GSAP: variants seen among roughly 807,000 people sequenced by gnomAD.
GSAP encodes gamma-secretase activating protein.
In GSAP, 118 loss-of-function variants were observed where a neutral mutation model predicts 131.7. The observed-to-expected ratio is 0.90, with a 90% CI of 0.77 to 1.04. The LOEUF (loss-of-function observed/expected upper bound fraction) is 1.04, where lower values mean the gene tolerates loss of function less well. Among genes scored for constraint, GSAP ranks in the 50% least tolerant of loss-of-function variants. The pLI is 0.00. For synonymous variants in GSAP, 381 were observed against 363.4 expected, an observed-to-expected ratio of 1.05 and a Z score of -0.55; for missense variants, 1,019 against 1,013.2, an observed-to-expected ratio of 1.01 and a Z score of -0.08.
chr7:77,335,960 A>T (rs1789917563), intron 19 of GSAP, among the ~76,000 whole-genome samples: 1 of 152,226 alleles, frequency 6.6e-6, no homozygotes. Context: ...GTGTGTACAT[A>T]AAGCTAGGAA....
At chr7:77,409,586 G>A (rs371346522) in intron 1 of GSAP, among the ~76,000 whole-genome samples, 3 of 152,266 alleles carry the variant, frequency 2.0e-5, no homozygotes, top group African/African-American at 7.2e-5. Flanking sequence ...AGATATTGTA[G>A]ACATCTAAAG....
Position 77,320,748 on chromosome 7 carries a change from C to T in GSAP, c.2066G>A (p.Ser689Asn), listed in dbSNP as rs1554373896. ...IMTRILEATNSLFLPLPPGFH... is the reference protein window; with the variant it reads ...IMTRILEATNNLFLPLPPGFH... ...ACCAGGAGGCAGAGGTAAAAACAAA[C>T]TGTTTGTAGCTTCCAGAATCCTGGT... Residue 689 changes from serine (S) to asparagine (N), a missense_variant, in exon 26 of 31, where the codon AGT (serine) becomes AAT (asparagine). Transcript: ENST00000257626. 1.2e-6 allele frequency: 2 copies of T among 1,607,714 alleles called. No individual in the cohort carries two copies. Among genetic ancestry groups the T allele is most frequent in the Non-Finnish European group, 8.5e-7 (1 of 1,174,224 alleles).
intron 12 of GSAP, among the ~76,000 whole-genome samples, chr7:77,365,173 C>T (rs1430180992): frequency 2.6e-5 from 2 of 76,492 alleles, no homozygotes; most frequent in Non-Finnish European, 5.1e-5. Flanking sequence ...GTCTTGAACT[C>T]CCTGGGCTCA....
intron 5 of GSAP, among the ~76,000 whole-genome samples, chr7:77,390,946 TAAAAAAAAAAAAAAAAAAAA>T (rs71085453): frequency 5.3e-4 from 20 of 37,944 alleles, no homozygotes; most frequent in African/African-American, 5.8e-4. Flanking sequence ...AGACTCCGTC[TAAAAAAAAAAAAAAAAAAAA>T]AAAAAAAAAA....
chr7:77,325,157 T>C (rs964810159), intron 23 of GSAP, among the ~76,000 whole-genome samples: 1 of 152,186 alleles, frequency 6.6e-6, no homozygotes, highest in Non-Finnish European at 1.5e-5. Flanking sequence ...ATATTTAATT[T>C]TATAAAAGTA....
chr7:77,416,022 C>T (rs953942684), intron 1 of GSAP, among the ~76,000 whole-genome samples, 191 bp downstream of exon 1: 3 of 152,250 alleles, frequency 2.0e-5, no homozygotes, highest in Non-Finnish European at 4.4e-5. Flanking sequence ...GGCTCTGCCC[C>T]CAGACCTTCC....
chr7:77,328,406 A>T, intron 22 of GSAP, 200 bp downstream of exon 22: 1 of 1,290,400 alleles, frequency 7.7e-7, no homozygotes, highest in Non-Finnish European at 9.8e-7. Flanking sequence ...CACATTCAGC[A>T]GCTGTCCCCG....
intron 8 of GSAP, among the ~76,000 whole-genome samples, chr7:77,377,698 A>G (rs1235398740): frequency 1.3e-5 from 2 of 152,228 alleles, no homozygotes; most frequent in African/African-American, 4.8e-5. Flanking sequence ...CTGCATTAAT[A>G]GAAGATTCGG....
At chr7:77,355,183 C>T in intron 16 of GSAP, 30 bp downstream of exon 16, 1 of 1,385,604 alleles carries the variant, frequency 7.2e-7, no homozygotes, top group South Asian at 1.2e-5. Flanking sequence ...CGTCTATCTG[C>T]CCATTTTAAA....
In GSAP at chr7:77,361,056, C is replaced by A. The variant is rs759750419; in HGVS notation, c.950-155G>T. Among the ~76,000 whole-genome samples the A allele has an allele frequency of 4.6e-5, 7 of 152,198 alleles. 1 individual carries two copies. Among genetic ancestry groups the A allele is most frequent in the Non-Finnish European group, 8.8e-5 (6 of 68,032 alleles). On this transcript the variant is annotated intron_variant, in intron 13 of 30. Transcript: ENST00000257626. ...AGATTTCATGGTTCCCCTCATTCTCCAAAAACCAGCATTGAAGGCAGATTA... is the reference window on the plus strand; with the variant it reads ...AGATTTCATGGTTCCCCTCATTCTCAAAAAACCAGCATTGAAGGCAGATTA...
At chr7:77,375,775 C>G (rs1168064980) in intron 10 of GSAP, among the ~76,000 whole-genome samples, 1 of 150,764 alleles carries the variant, frequency 6.6e-6, no homozygotes. Flanking sequence ...ATCCAGGAGG[C>G]AGAGGTTGCA....
chr7:77,363,479 G>A (rs965651342), intron 12 of GSAP, among the ~76,000 whole-genome samples: 3 of 152,222 alleles, frequency 2.0e-5, no homozygotes, highest in Non-Finnish European at 4.4e-5. Flanking sequence ...CAGGAAACCT[G>A]AGTTCTAGCC....
chr7:77,343,420 C>A (rs527445330), intron 19 of GSAP, among the ~76,000 whole-genome samples: 13 of 152,308 alleles, frequency 8.5e-5, no homozygotes, highest in Non-Finnish European at 1.8e-4. Flanking sequence ...ATATCCTGCA[C>A]CTCCATGCTG....
At chr7:77,385,502 C>T (rs1461788199) in intron 6 of GSAP, among the ~76,000 whole-genome samples, 1 of 152,148 alleles carries the variant, frequency 6.6e-6, no homozygotes, top group Non-Finnish European at 1.5e-5. Flanking sequence ...TACCCCAATC[C>T]TTCAGTCATG....
At chr7:77,323,305 A>G (rs1455186633) in intron 24 of GSAP, among the ~76,000 whole-genome samples, 1 of 152,244 alleles carries the variant, frequency 6.6e-6, no homozygotes, top group Non-Finnish European at 1.5e-5. Flanking sequence ...TCCTGTCTGC[A>G]TAAACCTCCA....
intron 1 of GSAP, 69 bp from the exon 2 acceptor site, chr7:77,406,174 T>C (rs974189440): frequency 4.5e-6 from 4 of 895,174 alleles, no homozygotes; most frequent in African/African-American, 1.8e-5. Flanking sequence ...AATATATTAG[T>C]GAAGGAAGCC....
chr7:77,401,909 C>T (rs1407740157), intron 3 of GSAP, among the ~76,000 whole-genome samples: 2 of 151,658 alleles, frequency 1.3e-5, no homozygotes, highest in African/African-American at 4.9e-5. Flanking sequence ...ATAACTCTTT[C>T]TCGATTGCAG....
At chr7:77,337,950 A>C (rs1790279382) in intron 19 of GSAP, among the ~76,000 whole-genome samples, 1 of 152,054 alleles carries the variant, frequency 6.6e-6, no homozygotes, top group Admixed American at 6.6e-5. Context: ...CAGGAGTTTG[A>C]GATCAGCCCC....
In GSAP at chr7:77,330,959, C is replaced by T. The variant is rs374166037; in HGVS notation, c.1546-592G>A. On this transcript the variant is annotated intron_variant, in intron 19 of 30. Coordinates refer to ENST00000257626, the MANE Select transcript of GSAP (RefSeq NM_017439.4). ...TTGAATTATTGATATAATTGTACTA[C>T]CCTGAAGCAAGAATGTATCCATTAT... 26 of 581,682 alleles carry T rather than the reference C, an allele frequency of 4.5e-5. No homozygotes were observed. In the East Asian group the frequency reaches 3.3e-3, roughly 73 times the overall value. 36.0% of individuals were successfully genotyped at this position (581,682 alleles called of 1,614,324 possible). A position where few individuals can be genotyped will look rare whatever the true frequency, so the allele number is the denominator to read the frequency against.
Sources: gnomAD v4.1 joint callset for allele counts (sites outside exome capture counted in the v4.1 genomes callset) on GRCh38, gnomAD v4.1.1 for gene constraint, MANE v1.5 for transcripts, NCBI Gene and HGNC (gene_info 2026-07-23, HGNC 2026-07-21) for gene names.